PAK2: variants seen among roughly 807,000 people sequenced by gnomAD.
PAK2 encodes the protein serine/threonine-protein kinase PAK 2.
PAK2 carries 21 observed loss-of-function variants against 65.9 expected under a neutral mutation model. That is an observed-to-expected ratio of 0.32 (90% CI 0.23 to 0.46). PAK2 has a LOEUF of 0.46. Ranked by LOEUF, PAK2 falls within the 20% of genes least tolerant of loss-of-function variation. The probability of loss-of-function intolerance (pLI) is 1.00; values close to 1 mark genes in which losing one functional copy is unlikely to be tolerated. For missense variants in PAK2, 324 were observed against 642.6 expected (o/e 0.50, Z 5.36); for synonymous variants, 204 against 219.7 (o/e 0.93, Z 0.63).
chr3:196,817,158 T>TTG (rs1711507613), intron 11 of PAK2, among the ~76,000 whole-genome samples: 1 of 59,462 alleles, frequency 1.7e-5, no homozygotes, highest in African/African-American at 9.0e-5. Flanking sequence ...AAGAGGCAAT[T>TTG]TTTTTTTTTT....
In PAK2 at chr3:196,765,612, A is replaced by G. The variant is rs530875958; in HGVS notation, c.-21-17014A>G. Among the ~76,000 whole-genome samples the G allele has an allele frequency of 4.6e-5, 7 of 152,238 alleles. No homozygotes were observed. In the South Asian group the frequency reaches 1.4e-3, roughly 32 times the overall value. ...GTATCTGCTAGAGGCCTTAATTTAC[A>G]TTTCATTAATGTCTGAGGTTGGACA... On this transcript the variant is annotated intron_variant, in intron 1 of 14. Coordinates refer to ENST00000327134, the MANE Select transcript of PAK2 (RefSeq NM_002577.4).
At chr3:196,828,252 A>C in intron 14 of PAK2, 67 bp from the exon 15 acceptor site, 1 of 909,478 alleles carries the variant, frequency 1.1e-6, no homozygotes, top group South Asian at 1.4e-5. Flanking sequence ...TTAATTGAAC[A>C]AAATTATTTT....
At chr3:196,742,661 T>C (rs2108702604) in intron 1 of PAK2, among the ~76,000 whole-genome samples, 2 of 152,266 alleles carry the variant, frequency 1.3e-5, no homozygotes, top group South Asian at 4.1e-4. Context: ...ACGCCTGTAA[T>C]CCCAGCACTT....
intron 1 of PAK2, among the ~76,000 whole-genome samples, chr3:196,743,665 T>G (rs1162095193): frequency 6.6e-6 from 1 of 152,110 alleles, no homozygotes; most frequent in Non-Finnish European, 1.5e-5. Context: ...CTGGCCAACA[T>G]GGTGAAACCT....
rs1560092836 is a variant in PAK2, at chr3:196,759,509, T to G, written c.-22+19352T>G. Among the ~76,000 whole-genome samples, 153 of 112,802 alleles carry G rather than the reference T, an allele frequency of 1.4e-3. 3 individuals are homozygous for G. Among genetic ancestry groups the G allele is most frequent in the East Asian group, 8.6e-3 (33 of 3,822 alleles). 74.0% of individuals were successfully genotyped at this position (112,802 alleles called of 152,430 possible). A position where few individuals can be genotyped will look rare whatever the true frequency, so the allele number is the denominator to read the frequency against. Reference sequence around the variant, plus strand: ...AAGTGGTTTTTTTTGTTTTTTTTTTTTTTTTTTTTTTTTTTTTTTTTTTTT... The same window carrying G: ...AAGTGGTTTTTTTTGTTTTTTTTTTGTTTTTTTTTTTTTTTTTTTTTTTTT... On this transcript the variant is annotated intron_variant, in intron 1 of 14. Coordinates refer to ENST00000327134, the MANE Select transcript of PAK2 (RefSeq NM_002577.4).
At chr3:196,758,637 A>G (rs1208923894) in intron 1 of PAK2, among the ~76,000 whole-genome samples, 1 of 152,042 alleles carries the variant, frequency 6.6e-6, no homozygotes, top group Non-Finnish European at 1.5e-5. Context: ...AAGTGATAGT[A>G]TTTTTATTTT....
At chr3:196,760,378 G>A (rs530076702) in intron 1 of PAK2, among the ~76,000 whole-genome samples, 1 of 152,298 alleles carries the variant, frequency 6.6e-6, no homozygotes, top group East Asian at 1.9e-4. Context: ...AGCCTCCTGA[G>A]TAGCTGGGAT....
intron 2 of PAK2, among the ~76,000 whole-genome samples, chr3:196,788,746 G>C (rs73074668): frequency 0.027 from 4,076 of 152,260 alleles, 69 homozygotes; most frequent in Middle Eastern, 0.068. Flanking sequence ...TAAGGGAAAC[G>C]ATAGTTACAA....
rs1711848056 is a variant in PAK2, at chr3:196,825,912, T to C, written c.1351-1284T>C. Among the ~76,000 whole-genome samples the C allele has an allele frequency of 2.0e-5, 3 of 152,224 alleles. No homozygotes were observed. The South Asian group carries it at 6.2e-4, about 32-fold the overall frequency. On this transcript the variant is annotated intron_variant, in intron 13 of 14. Coordinates refer to ENST00000327134, the MANE Select transcript of PAK2 (RefSeq NM_002577.4). ...GGCTGGAGTTACAGTGGTGCAATCT[T>C]GGCTCACTGCAACCTCCACCTCCCA...
intron 1 of PAK2, among the ~76,000 whole-genome samples, chr3:196,761,467 T>G: frequency 1.3e-5 from 1 of 76,970 alleles, no homozygotes; most frequent in Non-Finnish European, 2.6e-5. Flanking sequence ...GAGCACAGGG[T>G]TGGGGGTAAG....
rs1404093462 is a variant in PAK2, at chr3:196,812,831, C to T, written c.915C>T (p.Asn305=). ...TGATGAAAGAATTGAAAAATCCCAA[C>T]ATCGTTAACTTTTTGGACAGGTAAG... ...ILVMKELKNP[N]IVNFLDSYLV... The change falls in exon 10 of 15, where the codon AAC becomes AAT. Residue 305 remains asparagine (N), a synonymous_variant. Transcript: ENST00000327134. 2 of 1,498,326 alleles carry T rather than the reference C, an allele frequency of 1.3e-6. No individual in the cohort carries two copies. The highest frequency in any genetic ancestry group is 1.9e-6 in the Non-Finnish European group (2 of 1,075,560). The allele number at this position is 1,498,326 out of a possible 1,614,324, so 92.8% of individuals were successfully genotyped here. A position where few individuals can be genotyped will look rare whatever the true frequency, so the allele number is the denominator to read the frequency against.
intron 8 of PAK2, among the ~76,000 whole-genome samples, chr3:196,811,295 CCCTCCCTT>C (rs1235561336): frequency 4.2e-5 from 3 of 71,964 alleles, no homozygotes; most frequent in Non-Finnish European, 8.2e-5. Flanking sequence ...TCCCTTCCCT[CCCTCCCTT>C]CCTTCCCTTC....
chr3:196,759,095 A>G (rs1349936826), intron 1 of PAK2, among the ~76,000 whole-genome samples: 1 of 152,234 alleles, frequency 6.6e-6, no homozygotes, highest in Non-Finnish European at 1.5e-5. Flanking sequence ...CATGAAGAGT[A>G]AGCATAGAAG....
intron 1 of PAK2, among the ~76,000 whole-genome samples, chr3:196,780,733 A>G (rs1329082029): frequency 2.0e-5 from 3 of 152,354 alleles, no homozygotes; most frequent in African/African-American, 7.2e-5. Context: ...ACACACTCCC[A>G]TCAAGGAAAA....
At chr3:196,798,217 A>G (rs1457254626) in intron 2 of PAK2, among the ~76,000 whole-genome samples, 1 of 152,156 alleles carries the variant, frequency 6.6e-6, no homozygotes, top group Non-Finnish European at 1.5e-5. Context: ...CCAGACTGAC[A>G]GGGGGCAGTG....
intron 1 of PAK2, among the ~76,000 whole-genome samples, chr3:196,769,426 A>T (rs1714286800): frequency 6.6e-6 from 1 of 151,986 alleles, no homozygotes; most frequent in Admixed American, 6.5e-5. Context: ...AAGCATTTTT[A>T]GGTGTATAAT....
chr3:196,828,245 A>G (rs1711950804), intron 14 of PAK2, 74 bp from the exon 15 acceptor site: 18 of 836,438 alleles, frequency 2.2e-5, no homozygotes, highest in Non-Finnish European at 3.4e-5. Flanking sequence ...TTGGGGCTTA[A>G]TTGAACAAAA....
At chr3:196,809,906 A>G (rs1715718653) in intron 7 of PAK2, among the ~76,000 whole-genome samples, 1 of 152,050 alleles carries the variant, frequency 6.6e-6, no homozygotes, top group Non-Finnish European at 1.5e-5. Flanking sequence ...TAATAAGAAT[A>G]TAAGTTAGGA....
chr3:196,785,635 A>T (rs955908612), intron 2 of PAK2, among the ~76,000 whole-genome samples: 1 of 152,184 alleles, frequency 6.6e-6, no homozygotes, highest in Non-Finnish European at 1.5e-5. Context: ...TCTGTTCACT[A>T]TCTATATTAG....
Sources: allele counts gnomAD v4.1 joint callset (sites outside exome capture counted in the v4.1 genomes callset), GRCh38; gene constraint gnomAD v4.1.1; transcripts MANE v1.5; gene names NCBI Gene and HGNC (gene_info 2026-07-23, HGNC 2026-07-21).